The following NBAS variants were observed in gnomAD, a reference collection of about 807,000 sequenced individuals.
NBAS encodes NAG/BC035112 fusion.
Under a neutral mutation model 302.5 loss-of-function variants are expected in NBAS, and 219 were observed. The observed-to-expected ratio is 0.72, with a 90% confidence interval of 0.65 to 0.81. The LOEUF is 0.81. Ranked by LOEUF, NBAS falls within the 30% of genes least tolerant of loss-of-function variation. The probability of loss-of-function intolerance (pLI) is 0.00; values close to 1 mark genes in which losing one functional copy is unlikely to be tolerated. For missense variants in NBAS, 2,932 were observed against 2,841.6 expected, an observed-to-expected ratio of 1.03 and a Z score of -0.72; for synonymous variants, 1,118 against 1,021.6, an observed-to-expected ratio of 1.09 and a Z score of -1.80.
the NBAS span, among the ~76,000 whole-genome samples, chr2:14,981,639 A>T: frequency 6.6e-6 from 1 of 152,172 alleles, no homozygotes; most frequent in Admixed American, 6.5e-5. Flanking sequence ...GCAATATTCC[A>T]CAATAGGATG....
chr2:15,030,568 T>C, the NBAS span, among the ~76,000 whole-genome samples: 1 of 152,190 alleles, frequency 6.6e-6, no homozygotes, highest in Non-Finnish European at 1.5e-5. Flanking sequence ...GGCACCTCTC[T>C]TTCTGCCAGG....
At position 15,467,743 on chromosome 2, in the gene NBAS, C is replaced by T; in HGVS notation, c.1939G>A (p.Asp647Asn). 1.9e-6 allele frequency: 3 copies of T among 1,605,774 alleles called. No homozygotes were observed. The highest frequency in any genetic ancestry group is 2.6e-6 in the Non-Finnish European group (3 of 1,172,712). ...SISYEELSPP[D>N]EEPAKNKKEK... ...TTTTTATTCTTGGCAGGCTCTTCAT[C>T]AGGTGGTGAAAGCTCTTCATAGGAG... Residue 647 changes from aspartate to asparagine, a missense_variant, in exon 18 of 52, where the codon GAT (aspartate) becomes AAT (asparagine). Coordinates refer to ENST00000281513, the MANE Select transcript of NBAS (RefSeq NM_015909.4).
intron 50 of NBAS, 144 bp downstream of exon 50, chr2:15,186,598 A>G: frequency 8.1e-7 from 1 of 1,228,622 alleles, no homozygotes; most frequent in Non-Finnish European, 1.2e-6. Flanking sequence ...GCTTTTCTTC[A>G]TCTGATCCAT....
At chr2:15,150,018 T>C in the NBAS span, among the ~76,000 whole-genome samples, 439 of 142,446 alleles carry the variant, frequency 3.1e-3, 1 homozygote, top group African/African-American at 0.011. Flanking sequence ...GAGGCTGTAG[T>C]GAGCCATGGT....
intron 6 of NBAS, among the ~76,000 whole-genome samples, chr2:15,545,011 G>A (rs11686295): frequency 0.032 from 3,407 of 104,910 alleles, 62 homozygotes; most frequent in Non-Finnish European, 0.063. Context: ...ACTCTGGCTG[G>A]CAAAAAAAAA....
At chr2:15,406,287 T>C (rs1006579335) in intron 25 of NBAS, among the ~76,000 whole-genome samples, 1 of 152,022 alleles carries the variant, frequency 6.6e-6, no homozygotes, top group Non-Finnish European at 1.5e-5. Flanking sequence ...GAAATTTAGG[T>C]ATATGACAAA....
At chr2:15,267,927 T>C (rs1455817003) in intron 44 of NBAS, among the ~76,000 whole-genome samples, 1 of 152,222 alleles carries the variant, frequency 6.6e-6, no homozygotes, top group East Asian at 1.9e-4. Flanking sequence ...ACAGTACTTT[T>C]ATAAAGTATT....
chr2:15,308,319 G>A lies in NBAS; in HGVS notation c.4694C>T (p.Ser1565Phe), dbSNP rs1671122193. Residue 1565 changes from serine (S) to phenylalanine (F), a missense_variant, in exon 40 of 52, where the codon TCC (serine) becomes TTC (phenylalanine). Ser to Phe is a radical substitution (Grantham distance 155). Transcript: ENST00000281513. Reference protein sequence around the residue: ...LDANRCFEKQSPSALSLQLAA... With the variant: ...LDANRCFEKQFPSALSLQLAA... ...CAGCTGGAGAGATAATGCAGAGGGG[G>A]ACTGCTTTTCAAAGCACCGGTTAGC... The A allele has an allele frequency of 1.9e-6, 3 of 1,614,034 alleles. No homozygotes were observed. The highest frequency in any genetic ancestry group is 2.5e-6 in the Non-Finnish European group (3 of 1,180,016).
At chr2:15,323,794 C>T (rs1427743778) in intron 38 of NBAS, among the ~76,000 whole-genome samples, 2 of 151,500 alleles carry the variant, frequency 1.3e-5, no homozygotes, top group Non-Finnish European at 2.9e-5. Context: ...ACAATCACGC[C>T]ACTGCACTCC....
chr2:14,818,436 C>A, the NBAS span, among the ~76,000 whole-genome samples: 6 of 152,260 alleles, frequency 3.9e-5, no homozygotes, highest in Admixed American at 3.9e-4. Context: ...CATGAATTTG[C>A]AGAACACAGA....
the NBAS span, among the ~76,000 whole-genome samples, chr2:15,041,247 A>G: frequency 2.6e-5 from 4 of 152,348 alleles, no homozygotes; most frequent in East Asian, 7.7e-4. Flanking sequence ...GGGAGGCTCA[A>G]GGACCACCTC....
At chr2:15,269,424 G>A (rs566488080) in intron 44 of NBAS, among the ~76,000 whole-genome samples, 22 of 152,206 alleles carry the variant, frequency 1.4e-4, no homozygotes, top group African/African-American at 2.6e-4. Context: ...TTTGCATGCC[G>A]GGCTACTTTT....
At chr2:15,009,696 AT>A in the NBAS span, among the ~76,000 whole-genome samples, 1 of 17,812 alleles carries the variant, frequency 5.6e-5, no homozygotes, top group Non-Finnish European at 8.7e-5. Flanking sequence ...AGGAATGCAT[AT>A]ATATATATAT....
intron 25 of NBAS, among the ~76,000 whole-genome samples, chr2:15,411,400 A>G (rs1012499063): frequency 6.6e-6 from 1 of 152,162 alleles, no homozygotes; most frequent in Non-Finnish European, 1.5e-5. Flanking sequence ...TGTTCTCCTA[A>G]AAGTTCAACC....
At chr2:15,309,316 G>A (rs1671174951) in intron 38 of NBAS, 69 bp from the exon 39 acceptor site, 1 of 1,296,946 alleles carries the variant, frequency 7.7e-7, no homozygotes, top group East Asian at 2.5e-5. Context: ...TAAATGCCAT[G>A]TTTTCAGCCC....
intron 10 of NBAS, among the ~76,000 whole-genome samples, chr2:15,509,443 C>T (rs1011869321): frequency 7.9e-5 from 12 of 152,164 alleles, no homozygotes; most frequent in African/African-American, 2.9e-4. Flanking sequence ...AGCTGTTCTA[C>T]ACATACAAAC....
Position 15,553,485 on chromosome 2 carries a change from A to C in NBAS, c.288-12T>G. On this transcript the variant is annotated splice_polypyrimidine_tract_variant and intron_variant, in intron 4 of 51. Coordinates refer to ENST00000281513, the MANE Select transcript of NBAS (RefSeq NM_015909.4). The stretch of plus-strand genomic sequence containing the variant: ...AAAGCTTTCCATTGCTTTTATGGAG[A>C]AGAAAGAGGGGGAAGAAAATCTATT... 6.2e-7 allele frequency: 1 copy of C among 1,607,180 alleles called. No homozygotes were observed.
the NBAS span, among the ~76,000 whole-genome samples, chr2:15,054,867 TAGAG>T: frequency 6.6e-6 from 1 of 152,308 alleles, no homozygotes; most frequent in African/African-American, 2.4e-5. Flanking sequence ...AAGATGTTAA[TAGAG>T]AGTCCAAAAA....
Position 15,356,393 on chromosome 2 carries a change from C to T in NBAS, c.3841G>A (p.Gly1281Arg), listed in dbSNP as rs767738194. The T allele has an allele frequency of 1.9e-6, 3 of 1,613,676 alleles. No homozygotes were observed. The highest frequency in any genetic ancestry group is 3.3e-5 in the Admixed American group (2 of 59,976). The change falls in exon 33 of 52, where the codon GGA becomes AGA. Residue 1281 changes from glycine (G) to arginine (R), a missense_variant. Coordinates refer to ENST00000281513, the MANE Select transcript of NBAS (RefSeq NM_015909.4). ...TCCACTAAAAGGATTAGAACCTGTCCCCGCCTTTCTTCTGGGTTCTCACCT... is the reference window on the plus strand; with the variant it reads ...TCCACTAAAAGGATTAGAACCTGTCTCCGCCTTTCTTCTGGGTTCTCACCT... ...VAGENPEERR[G>R]QVLILLVEQA...
Sources: allele counts gnomAD v4.1 joint callset (sites outside exome capture counted in the v4.1 genomes callset), GRCh38; gene constraint gnomAD v4.1.1; transcripts MANE v1.5; gene names NCBI Gene and HGNC (gene_info 2026-07-23, HGNC 2026-07-21).